The following DGKI variants were observed in gnomAD, a reference collection of about 807,000 sequenced individuals.
DGKI encodes the protein diacylglycerol kinase iota.
A neutral mutation model predicts 147.5 loss-of-function variants in DGKI; 55 were observed. That is an observed-to-expected ratio of 0.37 (90% CI 0.30 to 0.47). The LOEUF (loss-of-function observed/expected upper bound fraction) is 0.47. Among genes scored for constraint, DGKI ranks in the 20% least tolerant of loss-of-function variants. The pLI is 1.00. For missense variants in DGKI, 1,007 were observed against 1,323.8 expected (o/e 0.76, Z 3.71); for synonymous variants, 469 against 477.1 (o/e 0.98, Z 0.22).
At chr7:137,732,696 T>C (rs577262227) in intron 1 of DGKI, among the ~76,000 whole-genome samples, 1 of 152,190 alleles carries the variant, frequency 6.6e-6, no homozygotes, top group African/African-American at 2.4e-5. Flanking sequence ...TCCATACAAG[T>C]AGACAGGAAA....
chr7:137,634,142 C>T (rs1821231130), intron 6 of DGKI, among the ~76,000 whole-genome samples: 1 of 152,154 alleles, frequency 6.6e-6, no homozygotes, highest in Admixed American at 6.5e-5. Flanking sequence ...AAGAATGAAA[C>T]ACAGCACTTT....
At chr7:137,602,951 C>G (rs1268579790) in intron 10 of DGKI, among the ~76,000 whole-genome samples, 1 of 150,454 alleles carries the variant, frequency 6.6e-6, no homozygotes, top group African/African-American at 2.4e-5. Context: ...TGTAGATATA[C>G]CTCACTGGCC....
intron 8 of DGKI, 152 bp from the exon 9 acceptor site, chr7:137,609,761 C>T: frequency 1.6e-6 from 1 of 612,200 alleles, no homozygotes; most frequent in Non-Finnish European, 2.9e-6. Flanking sequence ...ATGGATAAGC[C>T]ACAGACAGAA....
rs61757580 is a variant in DGKI, at chr7:137,689,947, G to A, written c.457C>T (p.Leu153Phe). ...QHLAPAHPLS[L>F]PVANGPAKEP... is the part of the protein sequence containing the mutation. ...TTGGCTGGACCATTTGCCACAGGAA[G>A]GCTGAGGGGATGTGCAGGAGCCAGA... Residue 153 changes from leucine to phenylalanine, a missense_variant, in exon 2 of 33, where the codon CTT becomes TTT. By Grantham distance (22) the Leu-to-Phe change is conservative. This residue lies in a region of DGKI where 259 missense variants were observed against 362.5 expected (regional missense o/e 0.71). Coordinates refer to ENST00000614521, the MANE Select transcript of DGKI (RefSeq NM_001321708.2). The A allele has an allele frequency of 0.013, 21,362 of 1,608,784 alleles. 953 individuals are homozygous for A. The Admixed American group carries it at 0.15, about 12-fold the overall frequency.
intron 1 of DGKI, among the ~76,000 whole-genome samples, chr7:137,815,278 T>G (rs1797705886): frequency 6.6e-6 from 1 of 152,166 alleles, no homozygotes; most frequent in Non-Finnish European, 1.5e-5. Flanking sequence ...CTTCCATATG[T>G]GAAGCCAACA....
chr7:137,756,130 A>G (rs1320442206), intron 1 of DGKI, among the ~76,000 whole-genome samples: 1 of 152,208 alleles, frequency 6.6e-6, no homozygotes, highest in East Asian at 1.9e-4. Flanking sequence ...TACATCACCA[A>G]TAAACCTGTT....
chr7:137,796,796 C>A (rs944279047), intron 1 of DGKI, among the ~76,000 whole-genome samples: 3 of 152,064 alleles, frequency 2.0e-5, no homozygotes, highest in African/African-American at 7.2e-5. Context: ...GGAAAATAAA[C>A]AAAGCCTCAG....
intron 1 of DGKI, among the ~76,000 whole-genome samples, chr7:137,736,347 G>A (rs1441178415): frequency 6.6e-6 from 1 of 152,030 alleles, no homozygotes; most frequent in African/African-American, 2.4e-5. Flanking sequence ...CTAATGTAGG[G>A]GTTCTGGAGC....
At chr7:137,580,759 T>C (rs529334391) in intron 15 of DGKI, among the ~76,000 whole-genome samples, 8 of 152,290 alleles carry the variant, frequency 5.3e-5, no homozygotes, top group African/African-American at 1.9e-4. Context: ...AGAATTTTCA[T>C]GTTATTACCA....
intron 19 of DGKI, 115 bp from the exon 20 acceptor site, chr7:137,552,683 T>A: frequency 1.9e-6 from 2 of 1,072,460 alleles, no homozygotes; most frequent in Non-Finnish European, 2.7e-6. Flanking sequence ...CCAAGGCAGG[T>A]GGATCACCGG....
intron 1 of DGKI, among the ~76,000 whole-genome samples, chr7:137,725,602 TAA>T (rs34222832): frequency 1.4e-5 from 2 of 147,438 alleles, no homozygotes; most frequent in Non-Finnish European, 1.5e-5. Flanking sequence ...TTGTTTTCTT[TAA>T]AAAAAAAAAA....
intron 1 of DGKI, among the ~76,000 whole-genome samples, chr7:137,750,286 T>A (rs1477230318): frequency 6.6e-6 from 1 of 152,156 alleles, no homozygotes; most frequent in African/African-American, 2.4e-5. Flanking sequence ...GATGCAGGTC[T>A]TCCTACTCCT....
At chr7:137,548,892 C>T (rs1817954037) in intron 20 of DGKI, among the ~76,000 whole-genome samples, 1 of 152,222 alleles carries the variant, frequency 6.6e-6, no homozygotes, top group South Asian at 2.1e-4. Flanking sequence ...ACCCGGGAGG[C>T]GGAGGTTGCA....
At chr7:137,522,935 T>A (rs1266687077) in intron 20 of DGKI, among the ~76,000 whole-genome samples, 3 of 152,228 alleles carry the variant, frequency 2.0e-5, no homozygotes, top group South Asian at 2.1e-4. Flanking sequence ...CTCTTTTTTT[T>A]TATATTAAAT....
chr7:137,609,459 G>T, intron 9 of DGKI, 76 bp downstream of exon 9: 2 of 1,131,866 alleles, frequency 1.8e-6, no homozygotes, highest in South Asian at 2.7e-5. Context: ...AATCAACTTG[G>T]ACCAGATCTC....
intron 3 of DGKI, among the ~76,000 whole-genome samples, chr7:137,662,023 T>C (rs1308404095): frequency 2.0e-5 from 3 of 152,216 alleles, no homozygotes; most frequent in Admixed American, 6.5e-5. Context: ...ACAAGCATAT[T>C]TGGCAAATTC....
chr7:137,813,737 A>T (rs914359991), intron 1 of DGKI, among the ~76,000 whole-genome samples: 2 of 152,200 alleles, frequency 1.3e-5, no homozygotes, highest in Non-Finnish European at 2.9e-5. Flanking sequence ...AGACAGATGG[A>T]AAAATGCATT....
At chr7:137,650,805 C>G (rs1313207698) in intron 5 of DGKI, among the ~76,000 whole-genome samples, 1 of 152,154 alleles carries the variant, frequency 6.6e-6, no homozygotes, top group Non-Finnish European at 1.5e-5. Context: ...ATTACAACAG[C>G]CTAAACAGAC....
chr7:137,845,222 A>G (rs1798675094), intron 1 of DGKI, among the ~76,000 whole-genome samples: 1 of 152,214 alleles, frequency 6.6e-6, no homozygotes, highest in Admixed American at 6.5e-5. Context: ...CAACACTTAG[A>G]CACAGAGCAC....
Sources: allele counts gnomAD v4.1 joint callset (sites outside exome capture counted in the v4.1 genomes callset), GRCh38; gene constraint gnomAD v4.1.1; regional missense constraint gnomAD v4.1.1; transcripts MANE v1.5; gene names NCBI Gene and HGNC (gene_info 2026-07-23, HGNC 2026-07-21).